SSU72: variants seen among roughly 807,000 people sequenced by gnomAD.
SSU72 encodes the protein SSU72 homolog, RNA polymerase II CTD phosphatase.
A neutral mutation model predicts 22.7 loss-of-function variants in SSU72; 12 were observed. The observed-to-expected ratio is 0.53, with a 90% CI of 0.34 to 0.86. The LOEUF is 0.86. Among genes scored for constraint, SSU72 ranks in the 40% least tolerant of loss-of-function variants. The probability of loss-of-function intolerance (pLI) is 0.02; values close to 1 mark genes in which losing one functional copy is unlikely to be tolerated. For missense variants in SSU72, 151 were observed against 249.8 expected (o/e 0.60, Z 2.67); for synonymous variants, 116 against 98.3 (o/e 1.18, Z -1.06).
Position 1,554,026 on chromosome 1 carries a change from G to A in SSU72, c.225-9024C>T, listed in dbSNP as rs114712730. Among the ~76,000 whole-genome samples the A allele has an allele frequency of 6.6e-6, 1 of 152,312 alleles. No homozygotes were observed. The highest frequency in any genetic ancestry group is 2.1e-4 in the South Asian group (1 of 4,822). On this transcript the variant is annotated intron_variant, in intron 2 of 4. Transcript: ENST00000291386. This position sits in a 1 kb window ranked among gnomAD's most constrained non-coding sequence, Gnocchi z 4.1. ...TGGTGAGAACTCAGCAGGTCCGGGGGACGTCAGGTGGCCACGGAGACCACG... is the reference window on the plus strand; with the variant it reads ...TGGTGAGAACTCAGCAGGTCCGGGGAACGTCAGGTGGCCACGGAGACCACG...
chr1:1,543,294 C>T lies in SSU72; in HGVS notation c.483+575G>A, dbSNP rs546983670. On this transcript the variant is annotated intron_variant, in intron 4 of 4. Transcript: ENST00000291386. Reference sequence around the variant, plus strand: ...GCAGCCTCCAGGCTCACGTGGGGCACACCTCCGACTGCACCGCATCCCGGA... The same window carrying T: ...GCAGCCTCCAGGCTCACGTGGGGCATACCTCCGACTGCACCGCATCCCGGA... Among the ~76,000 whole-genome samples, 14 of 152,318 alleles carry T rather than the reference C, an allele frequency of 9.2e-5. No individual in the cohort carries two copies. The South Asian group carries it at 2.9e-3, about 32-fold the overall frequency.
intron 2 of SSU72, among the ~76,000 whole-genome samples, chr1:1,557,057 C>T (rs1283371473): frequency 1.3e-5 from 2 of 152,206 alleles, no homozygotes; most frequent in Admixed American, 6.5e-5. Context: ...CTCTGGGAAT[C>T]GGCGTCTGGC....
intron 1 of SSU72, among the ~76,000 whole-genome samples, chr1:1,573,628 T>G (rs1014678190): frequency 1.3e-5 from 2 of 151,896 alleles, no homozygotes; most frequent in East Asian, 1.9e-4. Context: ...GTGACACTGT[T>G]AAAAACGGAA....
intron 1 of SSU72, among the ~76,000 whole-genome samples, chr1:1,573,722 A>G (rs1003543549): frequency 6.6e-6 from 1 of 152,224 alleles, no homozygotes; most frequent in African/African-American, 2.4e-5. Context: ...CACTGTTTTC[A>G]TTTAAAGTTC....
rs1642501322 is a variant in SSU72 at position 1,554,846 on chromosome 1, C to T, written c.225-9844G>A. 6.6e-6 allele frequency among the ~76,000 whole-genome samples: 1 copy of T among 152,178 alleles called. No homozygotes were observed. Among genetic ancestry groups the T allele is most frequent in the East Asian group, 1.9e-4 (1 of 5,188 alleles). ...TGGGTTCCCTGCTGCCGGCGCCAGC[C>T]CCACGTACCCCCGACCACCTCAGCT... On this transcript the variant is annotated intron_variant, in intron 2 of 4. Transcript: ENST00000291386. The surrounding 1 kb of genome is among the most constrained non-coding windows in gnomAD (Gnocchi z 4.1).
intron 1 of SSU72, among the ~76,000 whole-genome samples, chr1:1,571,034 CAGG>C (rs1642723450): frequency 6.6e-6 from 1 of 152,062 alleles, no homozygotes; most frequent in Non-Finnish European, 1.5e-5. Context: ...ATCACGAGGT[CAGG>C]AGATCGAGGC....
At chr1:1,568,271 C>T (rs947456381) in intron 1 of SSU72, among the ~76,000 whole-genome samples, 27 of 152,300 alleles carry the variant, frequency 1.8e-4, no homozygotes, top group African/African-American at 5.8e-4. Context: ...ATCTTCCAGA[C>T]AAGTATTTGT....
At chr1:1,565,143 GC>G (rs1642643864) in intron 1 of SSU72, among the ~76,000 whole-genome samples, 2 of 151,904 alleles carry the variant, frequency 1.3e-5, no homozygotes, top group Non-Finnish European at 1.5e-5. Flanking sequence ...GATCATGAAG[GC>G]AGGCGGATCA....
intron 2 of SSU72, among the ~76,000 whole-genome samples, chr1:1,553,731 C>T (rs950188369): frequency 6.1e-5 from 9 of 148,238 alleles, no homozygotes; most frequent in Middle Eastern, 3.2e-3. Context: ...GCAGAGCTTG[C>T]GGTGAGCCGA....
At position 1,574,480 on chromosome 1, in the gene SSU72, G is replaced by A; in HGVS notation, c.78C>T (p.Leu26=). ...QNRSMEAHNI[L]SKRGFSVRSF... The stretch of plus-strand genomic sequence containing the variant: ...GGGACAGGGTGGAGCCCAACTACCT[G>A]AGGATGTTGTGCGCCTCCATGCTCC... Residue 26 remains leucine, a splice_region_variant and synonymous_variant, in exon 1 of 5, where the codon CTC becomes CTT. Transcript: ENST00000291386. 3 of 1,595,658 alleles carry A rather than the reference G, an allele frequency of 1.9e-6. No individual in the cohort carries two copies. Among genetic ancestry groups the A allele is most frequent in the Non-Finnish European group, 2.6e-6 (3 of 1,173,172 alleles).
chr1:1,567,065 C>G (rs995578485), intron 1 of SSU72, among the ~76,000 whole-genome samples: 1 of 152,186 alleles, frequency 6.6e-6, no homozygotes, highest in African/African-American at 2.4e-5. Flanking sequence ...AACATGGCTG[C>G]CTGCAGGATG....
At chr1:1,567,376 A>T (rs924882374) in intron 1 of SSU72, among the ~76,000 whole-genome samples, 8 of 152,244 alleles carry the variant, frequency 5.3e-5, no homozygotes, top group Non-Finnish European at 1.2e-4. Context: ...ACACACGGCC[A>T]GAAATGTGGC....
chr1:1,560,047 G>A (rs984982636), intron 2 of SSU72, among the ~76,000 whole-genome samples: 3 of 152,172 alleles, frequency 2.0e-5, no homozygotes, highest in Non-Finnish European at 4.4e-5. Context: ...AGTAGAGACA[G>A]GGTTTTACCC....
chr1:1,555,529 G>A (rs1280516729), intron 2 of SSU72, among the ~76,000 whole-genome samples: 1 of 152,232 alleles, frequency 6.6e-6, no homozygotes, highest in Non-Finnish European at 1.5e-5. Context: ...GAACAGCCGA[G>A]TGTGCCACAA....
chr1:1,548,486 G>A (rs867758589), intron 2 of SSU72, among the ~76,000 whole-genome samples: 17 of 151,652 alleles, frequency 1.1e-4, no homozygotes, highest in African/African-American at 3.6e-4. Context: ...GCCAGGAGGC[G>A]GAGGCTGCAC....
intron 2 of SSU72, among the ~76,000 whole-genome samples, chr1:1,547,757 G>C (rs1642409741): frequency 6.6e-6 from 1 of 152,222 alleles, no homozygotes; most frequent in Admixed American, 6.5e-5. Context: ...TTTCGGGCCT[G>C]CGTGCGAGAG....
At chr1:1,545,153 G>A (rs1167696465) in intron 2 of SSU72, 151 bp from the exon 3 acceptor site, 2 of 867,600 alleles carry the variant, frequency 2.3e-6, no homozygotes, top group East Asian at 2.4e-5. Context: ...ATGCCCTGGT[G>A]AGGCAGGGGC....
rs1244283491 is a variant in SSU72 at position 1,542,471 on chromosome 1, C to T, written c.484-304G>A. ...ACCTGGCGGCCAGGGCTCAGACCCA[C>T]ACATGCACAGCGGGGCCGACCAACC... On this transcript the variant is annotated intron_variant, in intron 4 of 4. Transcript: ENST00000291386. The surrounding 1 kb of genome is among the most constrained non-coding windows in gnomAD (Gnocchi z 4.4). 6.6e-6 allele frequency among the ~76,000 whole-genome samples: 1 copy of T among 152,198 alleles called. No homozygotes were observed. Among genetic ancestry groups the T allele is most frequent in the East Asian group, 1.9e-4 (1 of 5,182 alleles).
intron 1 of SSU72, among the ~76,000 whole-genome samples, chr1:1,569,100 G>A (rs1642697722): frequency 6.6e-6 from 1 of 151,930 alleles, no homozygotes; most frequent in Admixed American, 6.6e-5. Flanking sequence ...CTTGAACTCG[G>A]GAGGCAGAGG....
Sources: gnomAD v4.1 joint callset for allele counts (sites outside exome capture counted in the v4.1 genomes callset) on GRCh38, gnomAD v4.1.1 for gene constraint, Gnocchi (gnomAD v3.1) non-coding constraint, MANE v1.5 for transcripts, NCBI Gene and HGNC (gene_info 2026-07-23, HGNC 2026-07-21) for gene names.